Variants in APBB2 observed in about 807,000 individuals in gnomAD.
APBB2 encodes the protein amyloid beta precursor protein binding family B member 2, also known as Fe65-like 1.
In APBB2, 38 loss-of-function variants were observed where a neutral mutation model predicts 82.5. That is an observed-to-expected ratio of 0.46 (90% CI 0.36 to 0.60). The LOEUF (loss-of-function observed/expected upper bound fraction) is 0.60, where lower values mean the gene tolerates loss of function less well. Among genes scored for constraint, APBB2 ranks in the 20% least tolerant of loss-of-function variants. APBB2 has a pLI of 0.00. For missense variants in APBB2, 772 were observed against 972.3 expected, an observed-to-expected ratio of 0.79 and a Z score of 2.74; for synonymous variants, 341 against 368.2, an observed-to-expected ratio of 0.93 and a Z score of 0.85.
At chr4:40,846,220 T>C (rs954094660) in intron 12 of APBB2, among the ~76,000 whole-genome samples, 1 of 149,712 alleles carries the variant, frequency 6.7e-6, no homozygotes, top group Non-Finnish European at 1.5e-5. Flanking sequence ...GGCCTTACAG[T>C]GCAGGCCAGG....
chr4:40,881,363 G>C, intron 12 of APBB2: 1 of 984,734 alleles, frequency 1.0e-6, no homozygotes, highest in Non-Finnish European at 1.2e-6. Flanking sequence ...TCCCCTACTA[G>C]ATGTCATCAG....
intron 10 of APBB2, 49 bp downstream of exon 10, chr4:40,934,407 T>C: frequency 6.4e-7 from 1 of 1,558,902 alleles, no homozygotes; most frequent in Admixed American, 1.7e-5. Flanking sequence ...AAAGTCATTA[T>C]TTGGATCTAA....
chr4:41,169,613 G>A (rs936927303), intron 1 of APBB2, among the ~76,000 whole-genome samples: 2 of 152,154 alleles, frequency 1.3e-5, no homozygotes, highest in African/African-American at 4.8e-5. Flanking sequence ...AAGGAGAACT[G>A]GAAAAATGAC....
chr4:41,112,300 G>A (rs960680551), intron 2 of APBB2, among the ~76,000 whole-genome samples: 2 of 152,226 alleles, frequency 1.3e-5, no homozygotes, highest in Non-Finnish European at 2.9e-5. Context: ...CGTGGAAGAT[G>A]TAGCCCAGCT....
chr4:41,082,900 C>T (rs535825375), intron 3 of APBB2, among the ~76,000 whole-genome samples: 23 of 152,218 alleles, frequency 1.5e-4, no homozygotes, highest in African/African-American at 5.5e-4. Flanking sequence ...CGGTGGCTCA[C>T]TCCTGTAATC....
chr4:40,997,687 T>C (rs1450599781), intron 6 of APBB2, among the ~76,000 whole-genome samples: 1 of 152,194 alleles, frequency 6.6e-6, no homozygotes, highest in Non-Finnish European at 1.5e-5. Context: ...TTTCACTGTG[T>C]TGACATTTAA....
chr4:41,190,869 T>C (rs1774232376), intron 1 of APBB2, among the ~76,000 whole-genome samples: 1 of 152,192 alleles, frequency 6.6e-6, no homozygotes, highest in Non-Finnish European at 1.5e-5. Context: ...CCTCTACTTC[T>C]GATTAAGGAG....
At chr4:41,016,134 G>C (rs1380990449) in intron 5 of APBB2, among the ~76,000 whole-genome samples, 2 of 152,160 alleles carry the variant, frequency 1.3e-5, no homozygotes, top group Non-Finnish European at 2.9e-5. Flanking sequence ...TGGGTATTTA[G>C]AGTGAGATTA....
intron 5 of APBB2, among the ~76,000 whole-genome samples, chr4:41,014,870 TCCATA>T (rs1809433092): frequency 6.6e-6 from 1 of 152,248 alleles, no homozygotes; most frequent in African/African-American, 2.4e-5. Context: ...TCAATGATGC[TCCATA>T]CATCCAAGGT....
chr4:41,170,768 G>A (rs78233251), intron 1 of APBB2, among the ~76,000 whole-genome samples: 6,309 of 152,232 alleles, frequency 0.041, 147 homozygotes, highest in Middle Eastern at 0.058. Flanking sequence ...TTTGGTAACT[G>A]TACAATGATT....
At chr4:40,968,537 G>T (rs1795218407) in intron 6 of APBB2, among the ~76,000 whole-genome samples, 1 of 151,906 alleles carries the variant, frequency 6.6e-6, no homozygotes, top group Admixed American at 6.6e-5. Flanking sequence ...CTTTAGAATG[G>T]CACTGCATGC....
chr4:40,856,751 G>T (rs1417739603), intron 12 of APBB2, among the ~76,000 whole-genome samples: 4 of 152,206 alleles, frequency 2.6e-5, no homozygotes, highest in Admixed American at 2.6e-4. Flanking sequence ...CTGCACTGGC[G>T]AATTGGGGGT....
chr4:41,073,236 C>T (rs185870196), intron 3 of APBB2, among the ~76,000 whole-genome samples: 70 of 152,264 alleles, frequency 4.6e-4, no homozygotes, highest in South Asian at 2.7e-3. Context: ...ACAACTACTC[C>T]TGAATTTTCA....
intron 3 of APBB2, among the ~76,000 whole-genome samples, chr4:41,066,854 G>A (rs959681969): frequency 2.4e-4 from 37 of 152,264 alleles, no homozygotes; most frequent in African/African-American, 8.4e-4. Context: ...CTGGGTTTTG[G>A]ATGCATGATT....
intron 6 of APBB2, 37 bp downstream of exon 6, chr4:41,013,546 A>G: frequency 6.4e-7 from 1 of 1,564,390 alleles, no homozygotes; most frequent in Non-Finnish European, 8.7e-7. Context: ...TAAAAAAAAA[A>G]AAGTGCCAGC....
chr4:40,850,030 G>A (rs1436687286), intron 12 of APBB2, among the ~76,000 whole-genome samples: 1 of 152,058 alleles, frequency 6.6e-6, no homozygotes, highest in Non-Finnish European at 1.5e-5. Context: ...TGCTACTCAG[G>A]TTACTTTTTA....
intron 1 of APBB2, among the ~76,000 whole-genome samples, chr4:41,180,499 T>C (rs569345488): frequency 1.3e-5 from 2 of 152,002 alleles, no homozygotes; most frequent in African/African-American, 4.8e-5. Context: ...GTCATAGTGG[T>C]GGTACATGCG....
At chr4:40,968,363 T>C (rs1446275984) in intron 6 of APBB2, among the ~76,000 whole-genome samples, 4 of 152,078 alleles carry the variant, frequency 2.6e-5, no homozygotes, top group African/African-American at 9.7e-5. Context: ...TCCTTAACAG[T>C]GCCTCAGTCT....
chr4:40,842,126 C>T (rs1756014974), intron 12 of APBB2, among the ~76,000 whole-genome samples: 1 of 152,220 alleles, frequency 6.6e-6, no homozygotes. Flanking sequence ...CTTAATCACT[C>T]AGCCCATCAC....
Sources: allele counts gnomAD v4.1 joint callset (sites outside exome capture counted in the v4.1 genomes callset), GRCh38; gene constraint gnomAD v4.1.1; transcripts MANE v1.5; gene names NCBI Gene and HGNC (gene_info 2026-07-23, HGNC 2026-07-21).